The following ATP6V0A1 variants were observed in gnomAD, a reference collection of about 807,000 sequenced individuals.
ATP6V0A1 encodes the protein V-type proton ATPase 116 kDa subunit a 1.
A neutral mutation model predicts 105.4 loss-of-function variants in ATP6V0A1; 43 were observed. The ratio of observed to expected loss-of-function variants is 0.41; its 90% CI spans 0.32 to 0.53. ATP6V0A1 has a LOEUF of 0.53. ATP6V0A1 is among the 20% of genes least tolerant of loss of function. ATP6V0A1 has a pLI of 0.30. For missense variants in ATP6V0A1, 676 were observed against 1,051.1 expected, an observed-to-expected ratio of 0.64 and a Z score of 4.93; for synonymous variants, 362 against 372.8, an observed-to-expected ratio of 0.97 and a Z score of 0.33.
chr17:42,497,937 AAAAAG>A (rs1223564112), intron 14 of ATP6V0A1, among the ~76,000 whole-genome samples: 1 of 149,904 alleles, frequency 6.7e-6, no homozygotes, highest in Admixed American at 6.6e-5. Context: ...ATCTCAAAAA[AAAAAG>A]AAAAAAAAAA....
intron 15 of ATP6V0A1, 57 bp from the exon 16 acceptor site, chr17:42,500,650 T>C (rs1309304821): frequency 1.5e-6 from 2 of 1,359,058 alleles, no homozygotes; most frequent in Non-Finnish European, 2.1e-6. Context: ...CTCCATTCAG[T>C]GTAGGAGTGG....
At chr17:42,462,415 G>T (rs1266632753) in intron 2 of ATP6V0A1, among the ~76,000 whole-genome samples, 1 of 151,874 alleles carries the variant, frequency 6.6e-6, no homozygotes, top group African/African-American at 2.4e-5. Context: ...GGTTTTTGTT[G>T]TTGTTGTTGT....
At chr17:42,495,568 C>T (rs751773790) in intron 13 of ATP6V0A1, 58 bp from the exon 14 acceptor site, 271 of 1,368,030 alleles carry the variant, frequency 2.0e-4, no homozygotes, top group Admixed American at 3.3e-4. Flanking sequence ...AGTTTCTGGA[C>T]CCTTGTTGTT....
At chr17:42,507,684 G>A in intron 18 of ATP6V0A1, 57 bp downstream of exon 18, 5 of 1,406,848 alleles carry the variant, frequency 3.6e-6, no homozygotes, top group Non-Finnish European at 5.0e-6. Context: ...CCCTAGTCTT[G>A]TGTACCTAAG....
At chr17:42,511,370 C>A (rs2092336958) in intron 19 of ATP6V0A1, 1 of 151,906 alleles carries the variant, frequency 6.6e-6, no homozygotes, top group African/African-American at 2.4e-5. Context: ...CCCGTCTCTA[C>A]TAAAAATACA....
chr17:42,477,552 C>T, intron 5 of ATP6V0A1, 108 bp from the exon 6 acceptor site: 3 of 1,119,528 alleles, frequency 2.7e-6, no homozygotes, highest in Non-Finnish European at 3.8e-6. Context: ...CTTTTTCATC[C>T]TTATTTTCTG....
intron 17 of ATP6V0A1, among the ~76,000 whole-genome samples, chr17:42,504,870 G>T (rs891424973): frequency 3.3e-5 from 5 of 152,156 alleles, no homozygotes; most frequent in African/African-American, 1.2e-4. Flanking sequence ...CCTTGCCTCT[G>T]ACAGATATCT....
chr17:42,476,170 A>G (rs996577182), intron 5 of ATP6V0A1, among the ~76,000 whole-genome samples: 4 of 152,236 alleles, frequency 2.6e-5, no homozygotes, highest in Non-Finnish European at 4.4e-5. Flanking sequence ...TGTAACAGCC[A>G]GTGGTAACTA....
chr17:42,477,570 C>G, intron 5 of ATP6V0A1, 90 bp from the exon 6 acceptor site: 2 of 1,333,374 alleles, frequency 1.5e-6, no homozygotes, highest in Non-Finnish European at 2.1e-6. Context: ...CTGAACCTGT[C>G]TCCTGGTTCC....
intron 5 of ATP6V0A1, 40 bp downstream of exon 5, chr17:42,470,258 T>C (rs1369373603): frequency 8.1e-6 from 13 of 1,603,598 alleles, no homozygotes; most frequent in African/African-American, 2.7e-5. Flanking sequence ...GCAGCTGATA[T>C]TATACTCACA....
chr17:42,515,540 C>T (rs1380949817), intron 21 of ATP6V0A1, among the ~76,000 whole-genome samples: 2 of 150,874 alleles, frequency 1.3e-5, no homozygotes, highest in Non-Finnish European at 2.9e-5. Context: ...AATCCCAGCA[C>T]TTTGGGAGGC....
chr17:42,492,734 G>A (rs949342733), intron 11 of ATP6V0A1, among the ~76,000 whole-genome samples: 2 of 149,928 alleles, frequency 1.3e-5, no homozygotes, highest in East Asian at 2.0e-4. Context: ...AAAGTTCATC[G>A]GCTGGGCGTG....
At chr17:42,461,138 C>T in intron 2 of ATP6V0A1, 127 bp downstream of exon 2, 3 of 770,992 alleles carry the variant, frequency 3.9e-6, no homozygotes, top group East Asian at 2.6e-5. Context: ...TTCCTATTGG[C>T]AGAATGCACA....
intron 15 of ATP6V0A1, among the ~76,000 whole-genome samples, 154 bp downstream of exon 15, chr17:42,499,196 C>T (rs938511242): frequency 3.9e-5 from 6 of 152,146 alleles, no homozygotes; most frequent in Non-Finnish European, 5.9e-5. Context: ...TGTGGCCAGG[C>T]GCGGTGGATC....
rs143148397 is a variant in ATP6V0A1, at chr17:42,520,855, A to G, written c.2421-172A>G. The G allele has an allele frequency of 1.0e-4, 66 of 646,920 alleles. No homozygotes were observed. In the East Asian group the frequency reaches 1.7e-3, roughly 17 times the overall value. The allele number at this position is 646,920 out of a possible 1,614,324, so 40.1% of individuals were successfully genotyped here. A position where few individuals can be genotyped will look rare whatever the true frequency, so the allele number is the denominator to read the frequency against. ...CCTTCCTCCGTGCGTCGAACTCTTG[A>G]TCCCAGGCCTTAAAAGTGGGATCTC... On this transcript the variant is annotated intron_variant, in intron 21 of 21. Transcript: ENST00000343619.
At chr17:42,504,585 G>C (rs1218138387) in intron 17 of ATP6V0A1, among the ~76,000 whole-genome samples, 1 of 152,148 alleles carries the variant, frequency 6.6e-6, no homozygotes, top group African/African-American at 2.4e-5. Flanking sequence ...TGCATGACCT[G>C]GAGGTGTCCA....
intron 17 of ATP6V0A1, among the ~76,000 whole-genome samples, chr17:42,503,979 C>T (rs763499872): frequency 1.6e-4 from 25 of 152,350 alleles, no homozygotes; most frequent in Admixed American, 5.9e-4. Context: ...CTAGTCTTAG[C>T]ATATATAAGA....
chr17:42,478,223 A>AGG (rs2089010143), intron 6 of ATP6V0A1, among the ~76,000 whole-genome samples: 1 of 52,036 alleles, frequency 1.9e-5, no homozygotes, highest in Non-Finnish European at 3.5e-5. Context: ...GGGTGGGGGG[A>AGG]GGGGGGAGGG....
chr17:42,507,160 T>G (rs2092079726), intron 17 of ATP6V0A1, among the ~76,000 whole-genome samples: 1 of 152,202 alleles, frequency 6.6e-6, no homozygotes, highest in Admixed American at 6.5e-5. Flanking sequence ...CCTTGCAGCC[T>G]TTACAGATAG....
Sources: gnomAD v4.1 joint callset for allele counts (sites outside exome capture counted in the v4.1 genomes callset) on GRCh38, gnomAD v4.1.1 for gene constraint, MANE v1.5 for transcripts, NCBI Gene and HGNC (gene_info 2026-07-23, HGNC 2026-07-21) for gene names.